LGSN: variants seen among roughly 807,000 people sequenced by gnomAD.
LGSN encodes lengsin.
In LGSN, 21 loss-of-function variants were observed where a neutral mutation model predicts 19.5. The observed-to-expected ratio is 1.07, with a 90% CI of 0.76 to 1.55. The LOEUF is 1.55. Among genes scored for constraint, LGSN ranks in the 40% most tolerant of loss-of-function variants. The pLI, the probability that LGSN is intolerant of heterozygous loss-of-function variation, is 0.00. For missense variants in LGSN, 673 were observed against 608.5 expected, an observed-to-expected ratio of 1.11 and a Z score of -1.12; for synonymous variants, 257 against 215.6, an observed-to-expected ratio of 1.19 and a Z score of -1.68.
At chr6:63,467,475 A>T in the LGSN span, among the ~76,000 whole-genome samples, 1 of 152,200 alleles carries the variant, frequency 6.6e-6, no homozygotes, top group South Asian at 2.1e-4. Flanking sequence ...ATTTTCTCAC[A>T]GTTCTAGGGG....
At chr6:63,361,588 G>A in the LGSN span, among the ~76,000 whole-genome samples, 2 of 152,106 alleles carry the variant, frequency 1.3e-5, no homozygotes, top group South Asian at 4.2e-4. Context: ...GGAATTCCCT[G>A]ACCCCTTGAG....
chr6:63,473,206 C>T, the LGSN span, among the ~76,000 whole-genome samples: 4 of 151,948 alleles, frequency 2.6e-5, no homozygotes, highest in Admixed American at 2.6e-4. Flanking sequence ...GGCGCAGTGG[C>T]TCACACCTGT....
the LGSN span, among the ~76,000 whole-genome samples, chr6:63,397,782 G>A: frequency 6.6e-6 from 1 of 151,948 alleles, no homozygotes; most frequent in African/African-American, 2.4e-5. Flanking sequence ...GCTGGATGTG[G>A]TGGCACGCCT....
chr6:63,479,393 C>CTT, the LGSN span, among the ~76,000 whole-genome samples: 1 of 147,176 alleles, frequency 6.8e-6, no homozygotes, highest in Admixed American at 6.8e-5. Context: ...GTAACAACTT[C>CTT]TTTTTTTTTT....
the LGSN span, among the ~76,000 whole-genome samples, chr6:63,545,402 G>A: frequency 1.3e-5 from 2 of 152,132 alleles, no homozygotes; most frequent in Admixed American, 6.5e-5. Flanking sequence ...CTGAGGTCAG[G>A]AGCTTGAGAC....
the LGSN span, among the ~76,000 whole-genome samples, chr6:63,357,774 C>T: frequency 7.2e-5 from 11 of 152,178 alleles, no homozygotes; most frequent in Admixed American, 1.3e-4. Context: ...TTCTCCCATA[C>T]TGTAGGTTGC....
At chr6:63,471,382 C>T in the LGSN span, among the ~76,000 whole-genome samples, 866 of 151,750 alleles carry the variant, frequency 5.7e-3, 5 homozygotes, top group African/African-American at 0.019. Flanking sequence ...ATCAGTAAAC[C>T]AGGCCAGGAG....
chr6:63,504,272 C>A, the LGSN span, among the ~76,000 whole-genome samples: 8 of 148,896 alleles, frequency 5.4e-5, no homozygotes, highest in African/African-American at 2.0e-4. Context: ...GACAGAGTCT[C>A]GCTCTGTTGC....
the LGSN span, among the ~76,000 whole-genome samples, chr6:63,456,673 G>T: frequency 6.6e-6 from 1 of 152,002 alleles, no homozygotes; most frequent in Non-Finnish European, 1.5e-5. Context: ...CAGCTCCTTA[G>T]AGCTTGGGCT....
the LGSN span, among the ~76,000 whole-genome samples, chr6:63,543,648 A>T: frequency 4.0e-3 from 607 of 152,300 alleles, 10 homozygotes; most frequent in South Asian, 0.044. Context: ...CACTGTGCCC[A>T]TTCATCCAAT....
the LGSN span, among the ~76,000 whole-genome samples, chr6:63,413,262 A>C: frequency 2.0e-5 from 3 of 152,284 alleles, no homozygotes; most frequent in East Asian, 5.8e-4. Flanking sequence ...GAAGCTTTAC[A>C]AAATGAACTC....
At chr6:63,428,158 C>T in the LGSN span, among the ~76,000 whole-genome samples, 26 of 152,158 alleles carry the variant, frequency 1.7e-4, no homozygotes, top group East Asian at 4.6e-3. Flanking sequence ...TTAATAACAC[C>T]TCATAAAAAT....
At chr6:63,432,174 GGAAA>G in the LGSN span, among the ~76,000 whole-genome samples, 57 of 22,620 alleles carry the variant, frequency 2.5e-3, 1 homozygote, top group Non-Finnish European at 4.0e-3. Context: ...AGAAAGAAAA[GGAAA>G]GAAAGAAAAG....
intron 3 of LGSN, among the ~76,000 whole-genome samples, chr6:63,281,550 A>AG (rs1341922290): frequency 6.6e-6 from 1 of 151,958 alleles, no homozygotes; most frequent in Non-Finnish European, 1.5e-5. Context: ...ACAAAGGAAA[A>AG]GCCTTATGGA....
the LGSN span, among the ~76,000 whole-genome samples, chr6:63,436,370 G>C: frequency 1.3e-5 from 2 of 151,994 alleles, no homozygotes; most frequent in Non-Finnish European, 2.9e-5. Flanking sequence ...TAAAGTGCTG[G>C]GATTATAGGC....
the LGSN span, among the ~76,000 whole-genome samples, chr6:63,533,444 C>T: frequency 6.6e-6 from 1 of 152,052 alleles, no homozygotes; most frequent in African/African-American, 2.4e-5. Context: ...TTGTATTACA[C>T]AGAATAATTA....
the LGSN span, among the ~76,000 whole-genome samples, chr6:63,330,410 C>G: frequency 2.9e-3 from 449 of 152,254 alleles, 3 homozygotes; most frequent in African/African-American, 0.01. Context: ...TTTAATAATG[C>G]CTCTAGATTT....
At chr6:63,550,624 G>C in the LGSN span, 1 of 152,384 alleles carries the variant, frequency 6.6e-6, no homozygotes, top group Non-Finnish European at 1.5e-5. Flanking sequence ...TGGTTGGTTG[G>C]TTGGTTGGTT....
At chr6:63,400,061 T>G in the LGSN span, among the ~76,000 whole-genome samples, 1 of 152,172 alleles carries the variant, frequency 6.6e-6, no homozygotes, top group Non-Finnish European at 1.5e-5. Context: ...GACTTCAAAT[T>G]TATTGCAAAA....
Sources: gnomAD v4.1 joint callset for allele counts (sites outside exome capture counted in the v4.1 genomes callset) on GRCh38, gnomAD v4.1.1 for gene constraint, MANE v1.5 for transcripts, NCBI Gene and HGNC (gene_info 2026-07-23, HGNC 2026-07-21) for gene names.